The following USP6NL variants were observed in gnomAD, a reference collection of about 807,000 sequenced individuals.
USP6NL encodes USP6 N-terminal-like protein.
In USP6NL, 26 loss-of-function variants were observed where a neutral mutation model predicts 61.9. The observed-to-expected ratio is 0.42, with a 90% CI of 0.31 to 0.58. USP6NL has a LOEUF of 0.58. USP6NL is among the 20% of genes least tolerant of loss of function. The pLI is 0.16. For missense variants in USP6NL, 1,114 were observed against 1,034.3 expected (o/e 1.08, Z -1.06); for synonymous variants, 432 against 390.1 (o/e 1.11, Z -1.27).
At chr10:11,541,243 A>T (rs1418645083) in intron 2 of USP6NL, among the ~76,000 whole-genome samples, 1 of 115,032 alleles carries the variant, frequency 8.7e-6, no homozygotes, top group Admixed American at 8.5e-5. Flanking sequence ...ATATATATAT[A>T]TATATATATA....
At chr10:11,467,755 G>A (rs1247360136) in intron 14 of USP6NL, among the ~76,000 whole-genome samples, 1 of 152,180 alleles carries the variant, frequency 6.6e-6, no homozygotes, top group Non-Finnish European at 1.5e-5. Context: ...AACGCTAGTA[G>A]TCATTAATAT....
intron 6 of USP6NL, among the ~76,000 whole-genome samples, chr10:11,507,380 C>T (rs957222245): frequency 6.6e-6 from 1 of 152,156 alleles, no homozygotes; most frequent in Non-Finnish European, 1.5e-5. Context: ...GATGTTGTAA[C>T]TAATATTCTA....
In USP6NL at chr10:11,587,904, T is replaced by C. The variant is rs554192059; in HGVS notation, c.4+9727A>G. 2.0e-5 allele frequency among the ~76,000 whole-genome samples: 3 copies of C among 152,346 alleles called. No homozygotes were observed. Among genetic ancestry groups the C allele is most frequent in the South Asian group, 4.1e-4 (2 of 4,828 alleles). On this transcript the variant is annotated intron_variant, in intron 2 of 14. Transcript: ENST00000609104. The surrounding 1 kb of genome is among the most constrained non-coding windows in gnomAD (Gnocchi z 4.5). ...TAAAGCAGAACAATAAATCCTGTAC[T>C]TATGCAAGAGATTTGAATCCTATTT...
chr10:11,553,849 T>C lies in USP6NL; in HGVS notation c.5-26282A>G, dbSNP rs1836584135. On this transcript the variant is annotated intron_variant, in intron 2 of 14. Coordinates refer to ENST00000609104, the MANE Select transcript of USP6NL (RefSeq NM_014688.5). The surrounding 1 kb of genome is among the most constrained non-coding windows in gnomAD (Gnocchi z 4.8). Reference sequence around the variant, plus strand: ...AGGCAGAGGATGCAGTGAGCCGAGATCGTGCCACTCCAGCCTGGGCAACAG... The same window carrying C: ...AGGCAGAGGATGCAGTGAGCCGAGACCGTGCCACTCCAGCCTGGGCAACAG... Among the ~76,000 whole-genome samples the C allele has an allele frequency of 6.7e-6, 1 of 149,332 alleles. No homozygotes were observed. The highest frequency in any genetic ancestry group is 2.1e-4 in the South Asian group (1 of 4,754).
chr10:11,505,740 T>C (rs975595753), intron 6 of USP6NL, among the ~76,000 whole-genome samples: 1 of 152,206 alleles, frequency 6.6e-6, no homozygotes, highest in East Asian at 1.9e-4. Flanking sequence ...CCTTGGTGAT[T>C]AAAACAGTGA....
In USP6NL at chr10:11,543,377, TA is replaced by T. The variant is rs1228990394; in HGVS notation, c.5-15811del. 3.0e-3 allele frequency among the ~76,000 whole-genome samples: 455 copies of T among 151,900 alleles called. 3 individuals carry two copies. The highest frequency in any genetic ancestry group is 0.011 in the African/African-American group (443 of 41,454). ...TAACACGGTGAAACCCCGTCTCTAC[TA>T]AAAAACACAAAAAATTAGCCAGGCA... On this transcript the variant is annotated intron_variant, in intron 2 of 14. Transcript: ENST00000609104.
Position 11,562,944 on chromosome 10 carries a change from T to C in USP6NL, c.4+34687A>G, listed in dbSNP as rs1836996158. The C allele has an allele frequency of 4.6e-6, 1 of 217,204 alleles. No individual in the cohort carries two copies. Among genetic ancestry groups the C allele is most frequent in the South Asian group, 1.7e-4 (1 of 6,030 alleles). 13.5% of individuals were successfully genotyped at this position (217,204 alleles called of 1,614,324 possible). ...CCACAGAAATAAAAATTTATATTTA[T>C]GTCGACACAAAAATCTGAATGTTCA... On this transcript the variant is annotated intron_variant, in intron 2 of 14. Transcript: ENST00000609104. The surrounding 1 kb of genome is among the most constrained non-coding windows in gnomAD (Gnocchi z 4.8).
chr10:11,555,433 A>AAAAAAAAAT (rs1275798295), intron 2 of USP6NL, among the ~76,000 whole-genome samples: 36 of 49,008 alleles, frequency 7.3e-4, no homozygotes, highest in Non-Finnish European at 1.1e-3. Context: ...AAAAAAAAAA[A>AAAAAAAAAT]ATATATATAT....
rs1025854617 is a variant in USP6NL, at chr10:11,491,891, C to G, written c.495-1011G>C. On this transcript the variant is annotated intron_variant, in intron 8 of 14. Coordinates refer to ENST00000609104, the MANE Select transcript of USP6NL (RefSeq NM_014688.5). This position sits in a 1 kb window ranked among gnomAD's most constrained non-coding sequence, Gnocchi z 4.7. ...CAGTGAAACGTGGCATTATAAACAC[C>G]ACCTGTGACCACATGACCAGTCACA... 6.6e-6 allele frequency among the ~76,000 whole-genome samples: 1 copy of G among 152,194 alleles called. No individual in the cohort carries two copies. The highest frequency in any genetic ancestry group is 2.4e-5 in the African/African-American group (1 of 41,444).
At chr10:11,506,205 A>G (rs973692655) in intron 6 of USP6NL, among the ~76,000 whole-genome samples, 8 of 152,248 alleles carry the variant, frequency 5.3e-5, no homozygotes, top group Non-Finnish European at 2.9e-5. Context: ...TGAAAGGTCC[A>G]TTCAATTATT....
chr10:11,562,599 C>T lies in USP6NL; in HGVS notation c.4+35032G>A. 2 of 985,432 alleles carry T rather than the reference C, an allele frequency of 2.0e-6. No individual in the cohort carries two copies. Among genetic ancestry groups the T allele is most frequent in the African/African-American group, 3.5e-5 (2 of 57,356 alleles). The allele number at this position is 985,432 out of a possible 1,614,324, so 61.0% of individuals were successfully genotyped here. The stretch of plus-strand genomic sequence containing the variant: ...AGCCACTCAGCCAGGTTTTAAATTA[C>T]TTGCAACTAAATGTAATTCTAACAC... On this transcript the variant is annotated intron_variant, in intron 2 of 14. Coordinates refer to ENST00000609104, the MANE Select transcript of USP6NL (RefSeq NM_014688.5). The surrounding 1 kb of genome is among the most constrained non-coding windows in gnomAD (Gnocchi z 4.8).
intron 1 of USP6NL, among the ~76,000 whole-genome samples, chr10:11,608,226 T>A (rs1321277213): frequency 6.6e-6 from 1 of 152,194 alleles, no homozygotes; most frequent in Admixed American, 6.5e-5. Context: ...CTATCAAAAC[T>A]AACAAGTAAT....
At chr10:11,565,877 C>T (rs773755194) in intron 2 of USP6NL, among the ~76,000 whole-genome samples, 4 of 152,076 alleles carry the variant, frequency 2.6e-5, no homozygotes, top group Non-Finnish European at 5.9e-5. Context: ...CTTGAACAAA[C>T]GTAGTTTTGA....
At position 11,533,928 on chromosome 10, in the gene USP6NL, T is replaced by C. The variant is rs537032392; in HGVS notation, c.5-6361A>G. On this transcript the variant is annotated intron_variant, in intron 2 of 14. Coordinates refer to ENST00000609104, the MANE Select transcript of USP6NL (RefSeq NM_014688.5). ...TGACCAAACTTTGGGCAGGCTCCTT[T>C]AAGCCCTCTTCTTGACTACCTCAGC... is the stretch of plus-strand genomic sequence containing the variant. 3.3e-5 allele frequency among the ~76,000 whole-genome samples: 5 copies of C among 152,328 alleles called. No homozygotes were observed. The East Asian group carries it at 7.7e-4, about 23-fold the overall frequency.
intron 14 of USP6NL, among the ~76,000 whole-genome samples, chr10:11,479,288 T>A (rs1444454386): frequency 1.3e-5 from 2 of 152,124 alleles, no homozygotes; most frequent in African/African-American, 4.8e-5. Flanking sequence ...CAAGAACCTG[T>A]ATGAACAGAC....
intron 5 of USP6NL, among the ~76,000 whole-genome samples, chr10:11,512,195 C>T (rs555737865): frequency 6.6e-6 from 1 of 152,324 alleles, no homozygotes; most frequent in African/African-American, 2.4e-5. Context: ...AGAAACTCCA[C>T]TTAAAGTTCA....
chr10:11,499,040 A>AG lies in USP6NL; in HGVS notation c.384+2060dup, dbSNP rs1834064498. On this transcript the variant is annotated intron_variant, in intron 7 of 14. Transcript: ENST00000609104. The surrounding 1 kb of genome is among the most constrained non-coding windows in gnomAD (Gnocchi z 4.5). ...GACAAGAAAGGACAAACAGGCCACC[A>AG]GGGGAACTTGAAGGACTGAATGCTG... Among the ~76,000 whole-genome samples the AG allele has an allele frequency of 6.6e-6, 1 of 152,202 alleles. No homozygotes were observed. Among genetic ancestry groups the AG allele is most frequent in the Non-Finnish European group, 1.5e-5 (1 of 68,028 alleles).
At chr10:11,494,900 A>AGGCCTAACCTATC (rs1175064554) in intron 7 of USP6NL, among the ~76,000 whole-genome samples, 8 of 152,034 alleles carry the variant, frequency 5.3e-5, no homozygotes, top group African/African-American at 1.9e-4. Context: ...TCACAGGGAG[A>AGGCCTAACCTATC]CGGTTAGGCC....
intron 3 of USP6NL, 70 bp downstream of exon 3, chr10:11,527,430 A>C (rs955062807): frequency 6.9e-7 from 1 of 1,441,812 alleles, no homozygotes; most frequent in Non-Finnish European, 9.5e-7. Flanking sequence ...CCCTCCAAAA[A>C]GCAAATCCAT....
Sources: gnomAD v4.1 joint callset for allele counts (sites outside exome capture counted in the v4.1 genomes callset) on GRCh38, gnomAD v4.1.1 for gene constraint, Gnocchi (gnomAD v3.1) non-coding constraint, MANE v1.5 for transcripts, NCBI Gene and HGNC (gene_info 2026-07-23, HGNC 2026-07-21) for gene names.